COPG2: variants seen among roughly 807,000 people sequenced by gnomAD.
The protein encoded by COPG2 is coat protein complex I subunit gamma 2.
Under a neutral mutation model 46.3 loss-of-function variants are expected in COPG2, and 37 were observed. The ratio of observed to expected loss-of-function variants is 0.80; its 90% confidence interval spans 0.61 to 1.05. COPG2 has a LOEUF of 1.05. Ranked by LOEUF, COPG2 falls within the 50% of genes least tolerant of loss-of-function variation. The probability of loss-of-function intolerance (pLI) is 0.00; values close to 1 mark genes in which losing one functional copy is unlikely to be tolerated. For missense variants in COPG2, 427 were observed against 387.8 expected (o/e 1.10, Z -0.85); for synonymous variants, 159 against 129.7 (o/e 1.23, Z -1.53).
chr7:130,646,958 C>CATATATATGTGTATATATATATATGTAT (rs1795610426), intron 5 of COPG2, among the ~76,000 whole-genome samples: 1 of 137,142 alleles, frequency 7.3e-6, no homozygotes, highest in East Asian at 2.1e-4. Context: ...TATATATATG[C>CATATATATGTGTATATATATATATGTAT]ATATATATAT....
chr7:130,646,934 T>C (rs1458165086), intron 5 of COPG2, among the ~76,000 whole-genome samples: 1 of 137,618 alleles, frequency 7.3e-6, no homozygotes, highest in Non-Finnish European at 1.5e-5. Flanking sequence ...TGTGTGTATA[T>C]ATATATACGT....
In COPG2 at chr7:130,611,076, T is replaced by C. The variant is rs1794839424; in HGVS notation, c.614A>G (p.Lys205Arg). Residue 205 changes from lysine to arginine, a missense_variant, in exon 9 of 24, where the codon AAG (lysine) becomes AGG (arginine). Lys to Arg is a conservative substitution (Grantham distance 26). Coordinates refer to ENST00000425248, the MANE Select transcript of COPG2 (RefSeq NM_012133.6). ...HALGVLYHLRKNDRLAVSKML... is the reference protein window; with the variant it reads ...HALGVLYHLRRNDRLAVSKML... ...CTTGGAAACAGCAAGTCGATCATTC[T>C]TTCTAAGGTGATACAGGACTCCCAA... 1.2e-6 allele frequency: 2 copies of C among 1,613,844 alleles called. No individual in the cohort carries two copies. Among genetic ancestry groups the C allele is most frequent in the Non-Finnish European group, 1.7e-6 (2 of 1,179,848 alleles).
chr7:130,609,530 T>C (rs577884428), intron 9 of COPG2, among the ~76,000 whole-genome samples: 1 of 152,354 alleles, frequency 6.6e-6, no homozygotes, highest in South Asian at 2.1e-4. Flanking sequence ...CAGTCTCGGG[T>C]ATGTCTTTAT....
intron 6 of COPG2, among the ~76,000 whole-genome samples, chr7:130,615,836 G>C (rs1794940708): frequency 6.6e-6 from 1 of 152,218 alleles, no homozygotes; most frequent in African/African-American, 2.4e-5. Flanking sequence ...ACCCTGACTA[G>C]GGAAGTGCTG....
chr7:130,589,903 A>G (rs1351478514), intron 9 of COPG2, among the ~76,000 whole-genome samples: 1 of 152,110 alleles, frequency 6.6e-6, no homozygotes, highest in Non-Finnish European at 1.5e-5. Flanking sequence ...ATATATTTGG[A>G]TACTAGTCCT....
chr7:130,596,146 C>G (rs1483029387), intron 9 of COPG2, among the ~76,000 whole-genome samples: 1 of 152,188 alleles, frequency 6.6e-6, no homozygotes, highest in Non-Finnish European at 1.5e-5. Flanking sequence ...AGTGGCTGGA[C>G]AGCTGCCAAG....
At chr7:130,605,535 G>T (rs1292026243) in intron 9 of COPG2, among the ~76,000 whole-genome samples, 1 of 152,160 alleles carries the variant, frequency 6.6e-6, no homozygotes, top group Non-Finnish European at 1.5e-5. Context: ...ACTATTGCTG[G>T]CTCTGACACG....
At position 130,614,738 on chromosome 7, in the gene COPG2, A is replaced by G. The variant is rs1467682138; in HGVS notation, c.400-1102T>C. On this transcript the variant is annotated intron_variant, in intron 6 of 23. Transcript: ENST00000425248. ...CACCACAGTGAATAGCCTGGCCAAC[A>G]TGGTGAAACCCTGTTTCTACTAAAA... Among the ~76,000 whole-genome samples the G allele has an allele frequency of 2.6e-5, 4 of 152,338 alleles. No individual in the cohort carries two copies. The East Asian group carries it at 5.8e-4, about 22-fold the overall frequency.
chr7:130,543,658 T>C (rs1178663443), intron 20 of COPG2, among the ~76,000 whole-genome samples: 6 of 152,178 alleles, frequency 3.9e-5, no homozygotes, highest in Non-Finnish European at 8.8e-5. Context: ...ATTCACATTG[T>C]GAATCAATTT....
chr7:130,514,063 AC>A (rs1210174435), intron 20 of COPG2, among the ~76,000 whole-genome samples: 1 of 152,246 alleles, frequency 6.6e-6, no homozygotes, highest in Non-Finnish European at 1.5e-5. Flanking sequence ...AATCTTGTAA[AC>A]CCTTAAAAAA....
intron 5 of COPG2, among the ~76,000 whole-genome samples, chr7:130,650,692 T>C (rs1292337529): frequency 1.3e-5 from 2 of 152,218 alleles, no homozygotes; most frequent in East Asian, 3.8e-4. Flanking sequence ...GATAGTCATA[T>C]AACACAGTTG....
At chr7:130,647,673 G>T (rs572430688) in intron 5 of COPG2, among the ~76,000 whole-genome samples, 1 of 150,004 alleles carries the variant, frequency 6.7e-6, no homozygotes, top group Non-Finnish European at 1.5e-5. Flanking sequence ...TTTTATTTTG[G>T]TATTGTCAAG....
chr7:130,522,032 C>T (rs1799728278), intron 20 of COPG2, among the ~76,000 whole-genome samples: 1 of 152,040 alleles, frequency 6.6e-6, no homozygotes, highest in Non-Finnish European at 1.5e-5. Flanking sequence ...TGAGCTGAGA[C>T]AGGGGAAAGG....
rs1009277677 is a variant in COPG2 at position 130,529,459 on chromosome 7, G to A, written c.2149+18215C>T. ...AAAAGGACAGAAGGTGCATGATAGG[G>A]GGAGAATCTCATGAATTTGAGGGTC... On this transcript the variant is annotated intron_variant, in intron 20 of 23. Transcript: ENST00000425248. Among the ~76,000 whole-genome samples, 246 of 152,264 alleles carry A rather than the reference G, an allele frequency of 1.6e-3. 1 individual carries two copies. Among genetic ancestry groups the A allele is most frequent in the Non-Finnish European group, 2.7e-3 (182 of 68,020 alleles).
chr7:130,573,816 A>G (rs550058106), intron 9 of COPG2, among the ~76,000 whole-genome samples: 1 of 152,284 alleles, frequency 6.6e-6, no homozygotes, highest in Non-Finnish European at 1.5e-5. Flanking sequence ...TTCAACCACA[A>G]TGGTTGAACT....
intron 3 of COPG2, among the ~76,000 whole-genome samples, chr7:130,663,971 C>T (rs965431019): frequency 3.3e-5 from 5 of 152,048 alleles, no homozygotes; most frequent in African/African-American, 1.2e-4. Context: ...GAACTCCTGA[C>T]CTCGTGATCC....
intron 20 of COPG2, chr7:130,510,336 G>GCACCTT: frequency 2.3e-6 from 1 of 440,052 alleles, no homozygotes; most frequent in Non-Finnish European, 4.4e-6. Context: ...GTTTAATTAG[G>GCACCTT]ATAGGATTTT....
At chr7:130,609,127 T>A (rs1794791451) in intron 9 of COPG2, among the ~76,000 whole-genome samples, 1 of 152,078 alleles carries the variant, frequency 6.6e-6, no homozygotes, top group African/African-American at 2.4e-5. Flanking sequence ...GCGATTCACC[T>A]GCCTCAGCCT....
chr7:130,666,831 A>C lies in COPG2; in HGVS notation c.171+18T>G, dbSNP rs555948388. 1.5e-5 allele frequency: 17 copies of C among 1,171,458 alleles called. No homozygotes were observed. In the African/African-American group the frequency reaches 1.5e-4, roughly 11 times the overall value. 72.6% of individuals were successfully genotyped at this position (1,171,458 alleles called of 1,614,324 possible). A position where few individuals can be genotyped will look rare whatever the true frequency, so the allele number is the denominator to read the frequency against. On this transcript the variant is annotated intron_variant, in intron 3 of 23. Transcript: ENST00000425248. ...TATTCCAGGACACACTTATCTGAGGAAAATAAAAATAATATACCTGGTTCA... is the reference window on the plus strand; with the variant it reads ...TATTCCAGGACACACTTATCTGAGGCAAATAAAAATAATATACCTGGTTCA...
Sources: gnomAD v4.1 joint callset for allele counts (sites outside exome capture counted in the v4.1 genomes callset) on GRCh38, gnomAD v4.1.1 for gene constraint, MANE v1.5 for transcripts, NCBI Gene and HGNC (gene_info 2026-07-23, HGNC 2026-07-21) for gene names.